The following MAP3K19 variants were observed in gnomAD, a reference collection of about 807,000 sequenced individuals.
The protein encoded by MAP3K19 is SPS1/STE20-related protein kinase YSK4.
In MAP3K19, 91 loss-of-function variants were observed where a neutral mutation model predicts 114.4. The observed-to-expected ratio is 0.80, with a 90% CI of 0.67 to 0.95. The LOEUF (loss-of-function observed/expected upper bound fraction) is 0.95. MAP3K19 is among the 40% of genes least tolerant of loss of function. The probability of loss-of-function intolerance (pLI) is 0.00; values close to 1 mark genes in which losing one functional copy is unlikely to be tolerated. For synonymous variants in MAP3K19, 518 were observed against 530.5 expected, an observed-to-expected ratio of 0.98 and a Z score of 0.32; for missense variants, 1,471 against 1,573.2, an observed-to-expected ratio of 0.94 and a Z score of 1.10.
intron 1 of MAP3K19, among the ~76,000 whole-genome samples, chr2:135,046,117 A>C (rs1436460594): frequency 1.3e-5 from 2 of 152,116 alleles, no homozygotes; most frequent in East Asian, 3.9e-4. Context: ...ATTTTTGTAG[A>C]GACAGAGTCT....
At chr2:135,009,742 C>T (rs1018265943) in intron 5 of MAP3K19, among the ~76,000 whole-genome samples, 4 of 151,722 alleles carry the variant, frequency 2.6e-5, no homozygotes, top group African/African-American at 7.3e-5. Context: ...GTTCTATATG[C>T]GTTACACATA....
chr2:134,975,152 T>C (rs1684146403), intron 12 of MAP3K19, among the ~76,000 whole-genome samples: 1 of 152,108 alleles, frequency 6.6e-6, no homozygotes, highest in East Asian at 1.9e-4. Context: ...CTAGTGTTAG[T>C]GGGTTCAAAT....
Position 134,987,693 on chromosome 2 carries a change from C to T in MAP3K19, c.1179G>A (p.Lys393=), listed in dbSNP as rs1319869183. 1 of 1,613,286 alleles carries T rather than the reference C, an allele frequency of 6.2e-7. No homozygotes were observed. Among genetic ancestry groups the T allele is most frequent in the Non-Finnish European group, 8.5e-7 (1 of 1,180,016 alleles). ...DPEIVCTIPS[K]FQETQHSEIT... ...TTTCTGAATGCTGGGTTTCTTGGAA[C>T]TTGCTTGGAATGGTACATACTATTT... Residue 393 remains lysine, a synonymous_variant, in exon 10 of 13, where the codon AAG becomes AAA. Coordinates refer to ENST00000392915, the MANE Select transcript of MAP3K19 (RefSeq NM_025052.5).
At chr2:135,017,967 G>A (rs1248722665) in intron 5 of MAP3K19, among the ~76,000 whole-genome samples, 1 of 152,160 alleles carries the variant, frequency 6.6e-6, no homozygotes, top group Non-Finnish European at 1.5e-5. Context: ...ACTTCAAAGA[G>A]GTTAAAATGC....
rs559226870 is a variant in MAP3K19 at position 134,981,083 on chromosome 2, G to A, written c.3658C>T (p.His1220Tyr). ...RLAWAGLNGT[H>Y]SDMLKSMHGT... ...TGCATGGACTTAAGCATGTCACTGTGGGTGCCATTTAAACCTGCCCAGGCC... is the reference window on the plus strand; with the variant it reads ...TGCATGGACTTAAGCATGTCACTGTAGGTGCCATTTAAACCTGCCCAGGCC... The change falls in exon 12 of 13, where the codon CAC (histidine) becomes TAC (tyrosine). Residue 1220 changes from histidine (H) to tyrosine (Y), a missense_variant. His to Tyr is a moderately conservative substitution (Grantham distance 83). Transcript: ENST00000392915. 1 of 1,614,218 alleles carries A rather than the reference G, an allele frequency of 6.2e-7. No individual in the cohort carries two copies. The highest frequency in any genetic ancestry group is 1.1e-5 in the South Asian group (1 of 91,086).
intron 3 of MAP3K19, among the ~76,000 whole-genome samples, chr2:135,030,089 A>C (rs941816893): frequency 2.0e-5 from 3 of 152,212 alleles, no homozygotes; most frequent in African/African-American, 7.2e-5. Flanking sequence ...TCTAGCACCC[A>C]GCTTGAGGAA....
At chr2:134,983,109 C>T in intron 11 of MAP3K19, 1 of 471,706 alleles carries the variant, frequency 2.1e-6, no homozygotes, top group South Asian at 1.6e-5. Flanking sequence ...TTGTTGTTAA[C>T]TATAGTCACC....
In MAP3K19 at chr2:134,972,345, C is replaced by T. The variant is rs888485752; in HGVS notation, c.3921-7429G>A. Reference sequence around the variant, plus strand: ...TTTAGATCCCACAAATAAGTGAGGACATGCAATGTTTGTCTTTCTGATCCT... The same window carrying T: ...TTTAGATCCCACAAATAAGTGAGGATATGCAATGTTTGTCTTTCTGATCCT... On this transcript the variant is annotated intron_variant, in intron 12 of 12. Coordinates refer to ENST00000392915, the MANE Select transcript of MAP3K19 (RefSeq NM_025052.5). 3.3e-5 allele frequency among the ~76,000 whole-genome samples: 5 copies of T among 152,136 alleles called. 1 individual carries two copies. Among genetic ancestry groups the T allele is most frequent in the Non-Finnish European group, 7.3e-5 (5 of 68,030 alleles).
rs765577520 is a variant in MAP3K19, at chr2:134,991,478, T to C, written c.618+59A>G. The C allele has an allele frequency of 2.8e-6, 4 of 1,434,434 alleles. No homozygotes were observed. In the Admixed American group the frequency reaches 5.0e-5, roughly 18 times the overall value. 88.9% of individuals were successfully genotyped at this position (1,434,434 alleles called of 1,614,324 possible). A position where few individuals can be genotyped will look rare whatever the true frequency, so the allele number is the denominator to read the frequency against. On this transcript the variant is annotated intron_variant, in intron 9 of 12. Coordinates refer to ENST00000392915, the MANE Select transcript of MAP3K19 (RefSeq NM_025052.5). The stretch of plus-strand genomic sequence containing the variant: ...AATTGCTGAGGATTTGGTTCTAAAT[T>C]AGTGAATAGAGTTGTTTGGTTTTAA...
Position 134,987,713 on chromosome 2 carries a change from C to A in MAP3K19, c.1159G>T (p.Val387Leu), listed in dbSNP as rs143051928. 4.3e-6 allele frequency: 7 copies of A among 1,612,242 alleles called. No homozygotes were observed. The highest frequency in any genetic ancestry group is 5.9e-6 in the Non-Finnish European group (7 of 1,180,010). ...TGGAACTTGCTTGGAATGGTACATA[C>A]TATTTCTGGATCTTGTTCATAGTTT... is the stretch of plus-strand genomic sequence containing the variant. ...AKNYEQDPEI[V>L]CTIPSKFQET... is the part of the protein sequence containing the mutation. The change falls in exon 10 of 13, where the codon GTA (valine) becomes TTA (leucine). Residue 387 changes from valine to leucine, a missense_variant. Coordinates refer to ENST00000392915, the MANE Select transcript of MAP3K19 (RefSeq NM_025052.5).
In MAP3K19 at chr2:134,981,126, A is replaced by G; in HGVS notation, c.3615T>C (p.Phe1205=). The change falls in exon 12 of 13, where the codon TTT becomes TTC. Residue 1205 remains phenylalanine, a synonymous_variant. Transcript: ENST00000392915. ...MPTGIIKLID[F]GCARRLAWAG... ...CCCAGGCCAAACGCCTGGCACAGCC[A>G]AAGTCAATCAGCTTTATTATTCCAG... 6.2e-7 allele frequency: 1 copy of G among 1,614,226 alleles called. No individual in the cohort carries two copies. The highest frequency in any genetic ancestry group is 8.5e-7 in the Non-Finnish European group (1 of 1,180,024).
intron 5 of MAP3K19, among the ~76,000 whole-genome samples, chr2:135,008,135 T>C (rs111985349): frequency 6.6e-6 from 1 of 152,144 alleles, no homozygotes; most frequent in Non-Finnish European, 1.5e-5. Context: ...CTTCTTTTTT[T>C]TTTTTGAGAT....
chr2:135,038,735 G>A (rs1007606007), intron 2 of MAP3K19, among the ~76,000 whole-genome samples: 1 of 151,920 alleles, frequency 6.6e-6, no homozygotes, highest in Non-Finnish European at 1.5e-5. Flanking sequence ...GTGCACACCT[G>A]TAATCCCAAC....
chr2:135,010,025 G>C (rs1490688228), intron 5 of MAP3K19, among the ~76,000 whole-genome samples: 1 of 151,744 alleles, frequency 6.6e-6, no homozygotes, highest in Non-Finnish European at 1.5e-5. Flanking sequence ...CCCAGACTGT[G>C]AAATCTGGGT....
chr2:135,019,972 G>A (rs374186620), intron 5 of MAP3K19, among the ~76,000 whole-genome samples: 158 of 152,096 alleles, frequency 1.0e-3, no homozygotes, highest in Admixed American at 2.0e-3. Context: ...CTCCTTTTTG[G>A]TACCCTGTGA....
chr2:134,995,661 GAGATA>G (rs1379788614), intron 8 of MAP3K19, among the ~76,000 whole-genome samples: 1 of 152,142 alleles, frequency 6.6e-6, no homozygotes, highest in Non-Finnish European at 1.5e-5. Context: ...TACTAATGCT[GAGATA>G]AATACAATGT....
chr2:134,993,451 C>T (rs1183141993), intron 8 of MAP3K19, among the ~76,000 whole-genome samples: 2 of 152,156 alleles, frequency 1.3e-5, no homozygotes, highest in Non-Finnish European at 2.9e-5. Flanking sequence ...TACTGAGTGC[C>T]TGCTGAGTGG....
At chr2:134,993,221 G>T (rs1325739812) in intron 8 of MAP3K19, among the ~76,000 whole-genome samples, 5 of 152,106 alleles carry the variant, frequency 3.3e-5, no homozygotes, top group African/African-American at 1.2e-4. Context: ...ACAAATGTCT[G>T]TAGGTCCATT....
At chr2:134,983,273 A>T (rs1489776710) in intron 11 of MAP3K19, 1 of 537,078 alleles carries the variant, frequency 1.9e-6, no homozygotes, top group East Asian at 5.4e-5. Flanking sequence ...GATTCTCCAA[A>T]CTTCCAGTAA....
Sources: gnomAD v4.1 joint callset for allele counts (sites outside exome capture counted in the v4.1 genomes callset) on GRCh38, gnomAD v4.1.1 for gene constraint, MANE v1.5 for transcripts, NCBI Gene and HGNC (gene_info 2026-07-23, HGNC 2026-07-21) for gene names.